Variants in LACTB2 observed in about 807,000 individuals in gnomAD.
The protein encoded by LACTB2 is endoribonuclease LACTB2.
In LACTB2, 32 loss-of-function variants were observed where a neutral mutation model predicts 34.8. The ratio of observed to expected loss-of-function variants is 0.92; its 90% CI spans 0.69 to 1.24. LACTB2 has a LOEUF of 1.24. LACTB2 is among the 50% of genes most tolerant of loss of function. LACTB2 has a pLI of 0.00. For synonymous variants in LACTB2, 120 were observed against 117.5 expected (o/e 1.02, Z -0.14); for missense variants, 320 against 345.0 (o/e 0.93, Z 0.57).
chr8:70,648,104 C>T (rs371172553), intron 3 of LACTB2, among the ~76,000 whole-genome samples: 8 of 152,284 alleles, frequency 5.3e-5, no homozygotes, highest in South Asian at 4.1e-4. Context: ...AAAGACTCTA[C>T]GATACCAATG....
chr8:70,667,197 G>A (rs772921719), intron 1 of LACTB2, among the ~76,000 whole-genome samples: 11 of 152,226 alleles, frequency 7.2e-5, no homozygotes, highest in Non-Finnish European at 1.3e-4. Flanking sequence ...TGTGGTGTTG[G>A]CAAATTAAGG....
intron 1 of LACTB2, among the ~76,000 whole-genome samples, chr8:70,668,624 G>C (rs943123253): frequency 6.6e-6 from 1 of 152,188 alleles, no homozygotes; most frequent in African/African-American, 2.4e-5. Context: ...AAACACCAGT[G>C]AAAGTCAAGT....
chr8:70,651,189 C>G (rs148861746), intron 3 of LACTB2, among the ~76,000 whole-genome samples: 60 of 151,996 alleles, frequency 3.9e-4, no homozygotes, highest in African/African-American at 1.4e-3. Flanking sequence ...ACATGAGATA[C>G]TAATGGAAGC....
intron 2 of LACTB2, chr8:70,661,495 T>A (rs1219624565): frequency 7.7e-6 from 3 of 391,784 alleles, no homozygotes; most frequent in Non-Finnish European, 1.4e-5. Flanking sequence ...TATGATTAAG[T>A]CTGAATAGTA....
intron 4 of LACTB2, among the ~76,000 whole-genome samples, chr8:70,642,473 G>A (rs1359922216): frequency 6.6e-6 from 1 of 150,602 alleles, no homozygotes; most frequent in Non-Finnish European, 1.5e-5. Flanking sequence ...TTCCTTTTGG[G>A]CCTTTTTATT....
chr8:70,643,360 TTA>T (rs778693147), intron 4 of LACTB2, among the ~76,000 whole-genome samples: 1 of 151,806 alleles, frequency 6.6e-6, no homozygotes, highest in African/African-American at 2.4e-5. Flanking sequence ...GTAGCTGGGA[TTA>T]TAGGTACCTG....
chr8:70,668,984 G>C lies in LACTB2; in HGVS notation c.122+15C>G. On this transcript the variant is annotated intron_variant, in intron 1 of 6. Transcript: ENST00000276590. ...CCGGCTGCGAACGTTGGGGAGGTTG[G>C]AGAGGGACGTTTACCTGGGGCCGGT... 1.9e-6 allele frequency: 3 copies of C among 1,573,154 alleles called. No individual in the cohort carries two copies. The highest frequency in any genetic ancestry group is 2.6e-6 in the Non-Finnish European group (3 of 1,159,438).
chr8:70,664,432 G>A (rs1291724033), intron 1 of LACTB2, among the ~76,000 whole-genome samples: 3 of 152,158 alleles, frequency 2.0e-5, no homozygotes, highest in African/African-American at 7.2e-5. Flanking sequence ...CTTTTAGAAT[G>A]CCTGTGCTGG....
intron 3 of LACTB2, among the ~76,000 whole-genome samples, chr8:70,650,457 A>G (rs1490194423): frequency 6.6e-6 from 1 of 152,108 alleles, no homozygotes; most frequent in Non-Finnish European, 1.5e-5. Context: ...AGCACAGAAA[A>G]AGGCCAGGTG....
intron 4 of LACTB2, among the ~76,000 whole-genome samples, chr8:70,641,419 C>G (rs1337673361): frequency 6.6e-6 from 1 of 152,158 alleles, no homozygotes; most frequent in Admixed American, 6.5e-5. Context: ...ATACATTATT[C>G]TTACAAGAAT....
rs375034003 is a variant in LACTB2 at position 70,661,763 on chromosome 8, A to T, written c.257T>A (p.Ile86Lys). The T allele has an allele frequency of 6.2e-6, 10 of 1,612,350 alleles. No homozygotes were observed. The highest frequency in any genetic ancestry group is 7.6e-6 in the Non-Finnish European group (9 of 1,179,584). Residue 86 changes from isoleucine (I) to lysine (K), a missense_variant, in exon 2 of 7, where the codon ATA becomes AAA. Coordinates refer to ENST00000276590, the MANE Select transcript of LACTB2 (RefSeq NM_016027.3). ...THWHRDHSGG[I>K]GDICKSINND... ...ATTGATGCTTTTACAAATATCTCCT[A>T]TGCCTCCAGAATGATCTCGGTGCCA... is the stretch of plus-strand genomic sequence containing the variant.
Position 70,664,561 on chromosome 8 carries a change from T to A in LACTB2, c.123-2664A>T, listed in dbSNP as rs181641937. On this transcript the variant is annotated intron_variant, in intron 1 of 6. Transcript: ENST00000276590. Reference sequence around the variant, plus strand: ...CTTGGTTTAACAAAATTGGAATTGATAAAAGAAGGGCTCTCAAAAGAAAGA... The same window carrying A: ...CTTGGTTTAACAAAATTGGAATTGAAAAAAGAAGGGCTCTCAAAAGAAAGA... Among the ~76,000 whole-genome samples, 203 of 151,974 alleles carry A rather than the reference T, an allele frequency of 1.3e-3. 2 individuals are homozygous for A. Among genetic ancestry groups the A allele is most frequent in the Middle Eastern group, 6.8e-3 (2 of 292 alleles).
intron 3 of LACTB2, among the ~76,000 whole-genome samples, chr8:70,657,054 T>C (rs949984364): frequency 4.6e-5 from 7 of 152,110 alleles, no homozygotes; most frequent in Non-Finnish European, 1.0e-4. Context: ...TTACAATAAC[T>C]GAGTTTGAAA....
intron 3 of LACTB2, among the ~76,000 whole-genome samples, chr8:70,644,960 AAAC>A (rs1431685160): frequency 6.6e-6 from 1 of 152,144 alleles, no homozygotes; most frequent in African/African-American, 2.4e-5. Flanking sequence ...TATATTTTAA[AAAC>A]AAAACTGATA....
At chr8:70,667,354 G>C (rs1423727688) in intron 1 of LACTB2, among the ~76,000 whole-genome samples, 1 of 152,236 alleles carries the variant, frequency 6.6e-6, no homozygotes, top group African/African-American at 2.4e-5. Context: ...CAGAACATCT[G>C]ACAAGGGGCC....
At chr8:70,650,935 A>G (rs1818335743) in intron 3 of LACTB2, among the ~76,000 whole-genome samples, 1 of 152,066 alleles carries the variant, frequency 6.6e-6, no homozygotes, top group Non-Finnish European at 1.5e-5. Flanking sequence ...ATGCTCCAAT[A>G]TTATAAGATC....
chr8:70,656,964 A>G (rs1039482704), intron 3 of LACTB2, among the ~76,000 whole-genome samples: 1 of 152,202 alleles, frequency 6.6e-6, no homozygotes, highest in African/African-American at 2.4e-5. Flanking sequence ...AAGAATGAGT[A>G]AAGTCTTACA....
chr8:70,638,578 A>G lies in LACTB2; in HGVS notation c.793T>C (p.Leu265=). 1 of 1,519,838 alleles carries G rather than the reference A, an allele frequency of 6.6e-7. No individual in the cohort carries two copies. Among genetic ancestry groups the G allele is most frequent in the Non-Finnish European group, 8.8e-7 (1 of 1,134,310 alleles). 94.1% of individuals were successfully genotyped at this position (1,519,838 alleles called of 1,614,324 possible). ...EMAKHNLLLH[L]KKLEKEGKIF... is the part of the protein sequence containing the mutation. ...TTTCCTTCTTTTTCTAGTTTTTTCA[A>G]ATGAAGTAAGAGATTATGTTTAGCC... The change falls in exon 6 of 7, where the codon TTG becomes CTG. Residue 265 remains leucine (L), a synonymous_variant. Transcript: ENST00000276590.
At chr8:70,637,929 A>C (rs369220892) in intron 6 of LACTB2, 26 bp from the exon 7 acceptor site, 14 of 1,395,414 alleles carry the variant, frequency 1.0e-5, no homozygotes, top group Non-Finnish European at 1.4e-5. Context: ...CAGAGAGTAA[A>C]AATTTAACAA....
Sources: gnomAD v4.1 joint callset for allele counts (sites outside exome capture counted in the v4.1 genomes callset) on GRCh38, gnomAD v4.1.1 for gene constraint, MANE v1.5 for transcripts, NCBI Gene and HGNC (gene_info 2026-07-23, HGNC 2026-07-21) for gene names.